DAPK2: variants seen among roughly 807,000 people sequenced by gnomAD.
DAPK2 encodes the protein death-associated protein kinase 2.
In DAPK2, 35 loss-of-function variants were observed where a neutral mutation model predicts 44.1. The ratio of observed to expected loss-of-function variants is 0.79; its 90% CI spans 0.61 to 1.05. The LOEUF is 1.05. Ranked by LOEUF, DAPK2 falls within the 50% of genes least tolerant of loss-of-function variation. DAPK2 has a pLI of 0.00. For missense variants in DAPK2, 453 were observed against 483.2 expected, an observed-to-expected ratio of 0.94 and a Z score of 0.59; for synonymous variants, 174 against 182.6, an observed-to-expected ratio of 0.95 and a Z score of 0.38.
chr15:64,024,491 C>T (rs1485405718), intron 1 of DAPK2, among the ~76,000 whole-genome samples: 2 of 152,216 alleles, frequency 1.3e-5, no homozygotes, highest in Non-Finnish European at 1.5e-5. Context: ...TCAGATTCCA[C>T]ATGTGGTATT....
rs1031225801 is a variant in DAPK2, at chr15:64,020,119, T to C, written c.92+20051A>G. On this transcript the variant is annotated intron_variant, in intron 1 of 10. Coordinates refer to ENST00000261891, the Ensembl canonical transcript of DAPK2. The surrounding 1 kb of genome is among the most constrained non-coding windows in gnomAD (Gnocchi z 4.5). ...CTGCCCCAGCTGAGTAGACAGCCCATGGCCCAGTAAGAACACTTCACATAA... is the reference window on the plus strand; with the variant it reads ...CTGCCCCAGCTGAGTAGACAGCCCACGGCCCAGTAAGAACACTTCACATAA... 1.2e-4 allele frequency among the ~76,000 whole-genome samples: 18 copies of C among 152,266 alleles called. No individual in the cohort carries two copies. The highest frequency in any genetic ancestry group is 3.4e-3 in the Middle Eastern group (1 of 294).
intron 1 of DAPK2, among the ~76,000 whole-genome samples, chr15:64,034,439 G>A (rs976755902): frequency 1.3e-5 from 2 of 152,106 alleles, no homozygotes; most frequent in East Asian, 1.9e-4. Flanking sequence ...TCCTTCCCCC[G>A]CCGAAGTCTC....
At chr15:64,014,365 G>A (rs767231366) in intron 1 of DAPK2, among the ~76,000 whole-genome samples, 4 of 152,234 alleles carry the variant, frequency 2.6e-5, no homozygotes, top group Non-Finnish European at 4.4e-5. Context: ...GCCTGAAAAG[G>A]ACCTTTGATA....
chr15:64,004,222 T>C (rs746614314), intron 1 of DAPK2, among the ~76,000 whole-genome samples: 1 of 152,218 alleles, frequency 6.6e-6, no homozygotes, highest in Admixed American at 6.5e-5. Flanking sequence ...GGCCACTTCC[T>C]GATAGTATTG....
upstream of DAPK2, among the ~76,000 whole-genome samples, chr15:64,044,296 A>T (rs2080411413): frequency 6.6e-6 from 1 of 152,192 alleles, no homozygotes; most frequent in Non-Finnish European, 1.5e-5. Context: ...CTCTAATACC[A>T]GGCAACACTT....
chr15:63,932,944 G>A (rs1043810242), intron 4 of DAPK2, among the ~76,000 whole-genome samples: 1 of 152,144 alleles, frequency 6.6e-6, no homozygotes, highest in South Asian at 2.1e-4. Context: ...GTGTGAATGT[G>A]TATCATTTTT....
At chr15:64,023,873 G>A (rs866319800) in intron 1 of DAPK2, among the ~76,000 whole-genome samples, 3 of 152,238 alleles carry the variant, frequency 2.0e-5, no homozygotes, top group South Asian at 2.1e-4. Context: ...AGACTGCATC[G>A]TGCGGGGGTC....
intron 3 of DAPK2, among the ~76,000 whole-genome samples, chr15:63,944,447 G>A (rs553784154): frequency 9.2e-5 from 14 of 152,302 alleles, no homozygotes; most frequent in African/African-American, 3.4e-4. Context: ...TTTCAGACAG[G>A]CTTCCTTCTT....
At chr15:63,995,894 T>A (rs1429485229) in intron 1 of DAPK2, among the ~76,000 whole-genome samples, 1 of 152,260 alleles carries the variant, frequency 6.6e-6, no homozygotes, top group Non-Finnish European at 1.5e-5. Context: ...ATTCAGCATG[T>A]GTGTAGTGTC....
rs564791939 is a variant in DAPK2 at position 63,926,098 on chromosome 15, G to A, written c.660-5C>T. Reference sequence around the variant, plus strand: ...AAAGGGGATGCTCCACTTAAGCTGAGTACGACAGACAGGGAATCAAATAAC... The same window carrying A: ...AAAGGGGATGCTCCACTTAAGCTGAATACGACAGACAGGGAATCAAATAAC... On this transcript the variant is annotated splice_region_variant and splice_polypyrimidine_tract_variant and intron_variant, in intron 6 of 10. Transcript: ENST00000261891. 6.3e-7 allele frequency: 1 copy of A among 1,598,122 alleles called. No homozygotes were observed. Among genetic ancestry groups the A allele is most frequent in the Non-Finnish European group, 8.5e-7 (1 of 1,171,752 alleles).
Position 63,961,431 on chromosome 15 carries a change from C to T in DAPK2, c.453+9992G>A, listed in dbSNP as rs182038517. ...GCTCATTAGTTGATGCAGTTTCTTC[C>T]TAGCACTGATAGTCTTTACAATTTG... is the stretch of plus-strand genomic sequence containing the variant. On this transcript the variant is annotated intron_variant, in intron 3 of 10. Coordinates refer to ENST00000261891, the Ensembl canonical transcript of DAPK2. Among the ~76,000 whole-genome samples, 5 of 152,320 alleles carry T rather than the reference C, an allele frequency of 3.3e-5. No individual in the cohort carries two copies. The East Asian group carries it at 5.8e-4, about 18-fold the overall frequency.
chr15:63,952,874 A>T (rs998916809), intron 3 of DAPK2, among the ~76,000 whole-genome samples: 3 of 152,102 alleles, frequency 2.0e-5, no homozygotes, highest in African/African-American at 7.2e-5. Flanking sequence ...CTATTGTGCT[A>T]TCAAATACTA....
intron 1 of DAPK2, among the ~76,000 whole-genome samples, chr15:64,006,201 C>G (rs964561647): frequency 1.3e-4 from 20 of 152,140 alleles, no homozygotes; most frequent in African/African-American, 4.8e-4. Flanking sequence ...CTGGTCCATC[C>G]AGCTTTCCCA....
intron 3 of DAPK2, 109 bp downstream of exon 4, chr15:63,971,314 A>C: frequency 7.5e-7 from 1 of 1,333,204 alleles, no homozygotes. Context: ...TCACTGTAAG[A>C]TGAGAAAGAA....
At chr15:63,926,236 A>C in intron 6 of DAPK2, 143 bp from the exon 8 acceptor site, 1 of 797,842 alleles carries the variant, frequency 1.3e-6, no homozygotes, top group African/African-American at 1.7e-5. Context: ...TGGGCAGCCA[A>C]CCAGCAGCCT....
At chr15:63,982,003 C>T (rs889350105) in intron 2 of DAPK2, among the ~76,000 whole-genome samples, 1 of 152,102 alleles carries the variant, frequency 6.6e-6, no homozygotes, top group Non-Finnish European at 1.5e-5. Flanking sequence ...AGAATGATCT[C>T]AAATGTCAGG....
At chr15:63,978,196 T>C (rs770958637) in intron 2 of DAPK2, among the ~76,000 whole-genome samples, 3 of 152,188 alleles carry the variant, frequency 2.0e-5, no homozygotes, top group Non-Finnish European at 4.4e-5. Context: ...TTGTGAAAGA[T>C]CTGTCCAGAG....
intron 10 of DAPK2, 23 bp downstream of exon 11, chr15:63,911,885 G>C (rs769889828): frequency 6.2e-7 from 1 of 1,609,416 alleles, no homozygotes; most frequent in African/African-American, 1.3e-5. Flanking sequence ...TTCTGCCCAA[G>C]AAGAGGGCAT....
At chr15:63,998,090 T>G (rs2078995283) in intron 1 of DAPK2, among the ~76,000 whole-genome samples, 1 of 152,186 alleles carries the variant, frequency 6.6e-6, no homozygotes, top group Admixed American at 6.5e-5. Flanking sequence ...AATTTGAGAA[T>G]TGGGAGAACA....
Sources: allele counts gnomAD v4.1 joint callset (sites outside exome capture counted in the v4.1 genomes callset), GRCh38; gene constraint gnomAD v4.1.1; non-coding constraint Gnocchi (gnomAD v3.1); transcripts MANE v1.5; gene names NCBI Gene and HGNC (gene_info 2026-07-23, HGNC 2026-07-21).